SRD5A2: variants seen among roughly 807,000 people sequenced by gnomAD.
SRD5A2 encodes the protein 3-oxo-5-alpha-steroid 4-dehydrogenase 2.
In SRD5A2, 30 loss-of-function variants were observed where a neutral mutation model predicts 27.4. The ratio of observed to expected loss-of-function variants is 1.10; its 90% CI spans 0.82 to 1.49. SRD5A2 has a LOEUF of 1.49. Among genes scored for constraint, SRD5A2 ranks in the 40% most tolerant of loss-of-function variants. The pLI is 0.00. For missense variants in SRD5A2, 348 were observed against 323.4 expected, an observed-to-expected ratio of 1.08 and a Z score of -0.58; for synonymous variants, 141 against 133.6, an observed-to-expected ratio of 1.06 and a Z score of -0.38.
intron 1 of SRD5A2, among the ~76,000 whole-genome samples, chr2:31,538,087 T>C (rs1666061795): frequency 6.6e-6 from 1 of 152,178 alleles, no homozygotes; most frequent in Non-Finnish European, 1.5e-5. Flanking sequence ...CAAATTGATA[T>C]CTCCAGACAG....
rs974813825 is a variant in SRD5A2, at chr2:31,578,964, A to T, written c.281+1656T>A. Among the ~76,000 whole-genome samples the T allele has an allele frequency of 4.3e-4, 66 of 152,224 alleles. 2 individuals carry two copies. The highest frequency in any genetic ancestry group is 1.5e-5 in the Non-Finnish European group (1 of 68,036). ...CAGTAGTTAATTTGAAGATAAAAATAATTGTTGACAAAAATCACATTTCTG... is the reference window on the plus strand; with the variant it reads ...CAGTAGTTAATTTGAAGATAAAAATTATTGTTGACAAAAATCACATTTCTG... On this transcript the variant is annotated intron_variant, in intron 1 of 4. Coordinates refer to ENST00000622030, the MANE Select transcript of SRD5A2 (RefSeq NM_000348.4).
intron 4 of SRD5A2, 117 bp downstream of exon 4, chr2:31,529,190 A>C (rs1665848550): frequency 7.1e-7 from 1 of 1,405,214 alleles, no homozygotes; most frequent in Non-Finnish European, 9.6e-7. Flanking sequence ...TTATAGTATC[A>C]ACCTTCCCTT....
At chr2:31,639,044 G>C in the SRD5A2 span, among the ~76,000 whole-genome samples, 1 of 151,700 alleles carries the variant, frequency 6.6e-6, no homozygotes, top group Admixed American at 6.6e-5. Context: ...ATATCTTTTA[G>C]TTTGTTCCTT....
the SRD5A2 span, among the ~76,000 whole-genome samples, chr2:31,611,390 T>C: frequency 6.6e-6 from 1 of 152,158 alleles, no homozygotes; most frequent in Admixed American, 6.5e-5. Context: ...CAAGACACCA[T>C]TAAGAAACTG....
At chr2:31,548,962 A>G (rs961225581) in intron 1 of SRD5A2, among the ~76,000 whole-genome samples, 1 of 152,034 alleles carries the variant, frequency 6.6e-6, no homozygotes, top group African/African-American at 2.4e-5. Flanking sequence ...GCTAAGTGAA[A>G]TAAGCCAGTC....
At chr2:31,537,271 G>A (rs941594402) in intron 1 of SRD5A2, among the ~76,000 whole-genome samples, 3 of 152,036 alleles carry the variant, frequency 2.0e-5, no homozygotes, top group Admixed American at 6.6e-5. Context: ...TCTTGACCCT[G>A]TAACCTTGTT....
chr2:31,587,568 A>G, the SRD5A2 span, among the ~76,000 whole-genome samples: 1 of 152,176 alleles, frequency 6.6e-6, no homozygotes. Context: ...CTATGCAGCC[A>G]TAAAAAAAAT....
the SRD5A2 span, among the ~76,000 whole-genome samples, chr2:31,598,597 C>T: frequency 8.6e-5 from 13 of 150,954 alleles, no homozygotes; most frequent in East Asian, 7.7e-4. Context: ...TGTTGTTATC[C>T]GCTTAATATA....
the SRD5A2 span, among the ~76,000 whole-genome samples, chr2:31,655,115 A>G: frequency 6.6e-6 from 1 of 152,004 alleles, no homozygotes; most frequent in Non-Finnish European, 1.5e-5. Context: ...TTTTATTTTT[A>G]TCTTAGATGG....
the SRD5A2 span, among the ~76,000 whole-genome samples, chr2:31,637,369 G>A: frequency 7.2e-5 from 11 of 151,928 alleles, no homozygotes; most frequent in Admixed American, 3.3e-4. Context: ...TGACCCTGCT[G>A]AACAAAACAG....
the SRD5A2 span, among the ~76,000 whole-genome samples, chr2:31,623,164 C>T: frequency 2.7e-3 from 417 of 152,156 alleles, 1 homozygote; most frequent in Non-Finnish European, 4.9e-3. Context: ...ATTAGTCATT[C>T]CTGGGCCGAA....
chr2:31,580,790 C>G lies in SRD5A2; in HGVS notation c.111G>C (p.Thr37=). The G allele has an allele frequency of 6.2e-7, 1 of 1,612,178 alleles. No homozygotes were observed. Among genetic ancestry groups the G allele is most frequent in the Non-Finnish European group, 8.5e-7 (1 of 1,179,664 alleles). ...VAKPSGYGKH[T]ESLKPAATRL... ...GGGTAGCCGCCGGCTTCAGGCTCTC[C>G]GTGTGCTTCCCGTAGCCGGAGGGCT... Residue 37 remains threonine (T), a synonymous_variant, in exon 1 of 5, where the codon ACG becomes ACC. Transcript: ENST00000622030.
the SRD5A2 span, among the ~76,000 whole-genome samples, chr2:31,627,898 T>C: frequency 2.6e-5 from 4 of 152,138 alleles, no homozygotes; most frequent in African/African-American, 9.7e-5. Context: ...CCAAATTACG[T>C]AGTCAATTTT....
chr2:31,533,718 T>C lies in SRD5A2; in HGVS notation c.330A>G (p.Ile110Met). ...LLNRGRPYPAILILRGTAFCT... is the reference protein window; with the variant it reads ...LLNRGRPYPAMLILRGTAFCT... ...AGAAGGCAGTGCCTCTGAGAATGAG[T>C]ATAGCTGGATAAGGCCTCCCTCGAT... Residue 110 changes from isoleucine to methionine, a missense_variant, in exon 2 of 5, where the codon ATA becomes ATG. By Grantham distance (10) the Ile-to-Met change is conservative. Transcript: ENST00000622030. The C allele has an allele frequency of 6.3e-7, 1 of 1,599,060 alleles. No homozygotes were observed. The highest frequency in any genetic ancestry group is 8.5e-7 in the Non-Finnish European group (1 of 1,172,660).
the SRD5A2 span, among the ~76,000 whole-genome samples, chr2:31,589,648 A>G: frequency 2.6e-5 from 4 of 152,212 alleles, no homozygotes; most frequent in African/African-American, 9.6e-5. Flanking sequence ...AAGGGAGGGC[A>G]GCCAGTAGAA....
the SRD5A2 span, among the ~76,000 whole-genome samples, chr2:31,634,850 A>G: frequency 0.7 from 106,781 of 152,020 alleles, 37,745 homozygotes; most frequent in Middle Eastern, 0.75. Flanking sequence ...CCATGTTACT[A>G]CAGATGACAG....
At position 31,523,487 on chromosome 2, in the gene SRD5A2, C is replaced by G. The variant is rs894978356; in HGVS notation, c.*2709G>C. 4.5e-6 allele frequency: 1 copy of G among 221,258 alleles called. No individual in the cohort carries two copies. The highest frequency in any genetic ancestry group is 9.0e-6 in the Non-Finnish European group (1 of 110,544). The allele number at this position is 221,258 out of a possible 1,614,324, so 13.7% of individuals were successfully genotyped here. A position where few individuals can be genotyped will look rare whatever the true frequency, so the allele number is the denominator to read the frequency against. Reference sequence around the variant, plus strand: ...CCAGCTGTGAGGAGGCCTTTTAACTCTGTGGGTCTCAGTGTCACTACCTAT... The same window carrying G: ...CCAGCTGTGAGGAGGCCTTTTAACTGTGTGGGTCTCAGTGTCACTACCTAT... On this transcript the variant is annotated 3_prime_UTR_variant, in exon 5 of 5. Transcript: ENST00000622030.
At chr2:31,581,032 C>A, upstream of SRD5A2, 1 of 990,924 alleles carries the variant, frequency 1.0e-6, no homozygotes, top group Non-Finnish European at 1.4e-6. Flanking sequence ...CATCCTGCCT[C>A]CCACCTCGCC....
chr2:31,586,196 C>T, the SRD5A2 span, among the ~76,000 whole-genome samples: 91 of 152,210 alleles, frequency 6.0e-4, no homozygotes, highest in African/African-American at 2.0e-3. Context: ...CCCTACTCCC[C>T]TCTCACACTT....
Sources: gnomAD v4.1 joint callset for allele counts (sites outside exome capture counted in the v4.1 genomes callset) on GRCh38, gnomAD v4.1.1 for gene constraint, MANE v1.5 for transcripts, NCBI Gene and HGNC (gene_info 2026-07-23, HGNC 2026-07-21) for gene names.